ESRRG: variants seen among roughly 807,000 people sequenced by gnomAD.
The protein encoded by ESRRG is estrogen-related receptor gamma.
In ESRRG, 13 loss-of-function variants were observed where a neutral mutation model predicts 44.0. The ratio of observed to expected loss-of-function variants is 0.30; its 90% CI spans 0.19 to 0.47. ESRRG has a LOEUF of 0.47. Among genes scored for constraint, ESRRG ranks in the 20% least tolerant of loss-of-function variants. ESRRG has a pLI of 1.00. For missense variants in ESRRG, 395 were observed against 580.6 expected, an observed-to-expected ratio of 0.68 and a Z score of 3.29; for synonymous variants, 215 against 214.6, an observed-to-expected ratio of 1.00 and a Z score of -0.02.
chr1:216,675,796 G>T (rs1406608790), intron 2 of ESRRG, among the ~76,000 whole-genome samples: 7 of 152,210 alleles, frequency 4.6e-5, no homozygotes, highest in Non-Finnish European at 8.8e-5. Context: ...TTTGAGAACT[G>T]TTGGCAAATA....
intron 1 of ESRRG, among the ~76,000 whole-genome samples, chr1:216,976,553 C>T (rs1401207148): frequency 6.6e-6 from 1 of 152,108 alleles, no homozygotes; most frequent in Admixed American, 6.6e-5. Flanking sequence ...ATTTACCTGG[C>T]AATATCTTTT....
chr1:216,629,737 G>T (rs1367124006), intron 3 of ESRRG, among the ~76,000 whole-genome samples: 2 of 152,162 alleles, frequency 1.3e-5, no homozygotes, highest in African/African-American at 4.8e-5. Flanking sequence ...CTTAAGAACA[G>T]AAATACCCTT....
chr1:216,658,892 A>C (rs1393251242), intron 2 of ESRRG, among the ~76,000 whole-genome samples: 1 of 150,216 alleles, frequency 6.7e-6, no homozygotes, highest in African/African-American at 2.5e-5. Flanking sequence ...AGAGAAGAGA[A>C]GAGAAGAGAA....
chr1:216,519,070 G>T (rs929896138), intron 6 of ESRRG, 82 bp downstream of exon 6: 22 of 1,274,964 alleles, frequency 1.7e-5, no homozygotes, highest in Middle Eastern at 2.7e-4. Context: ...ACCAGGTCTA[G>T]CAAATCCCTA....
At chr1:216,666,354 T>C (rs2073923866) in intron 2 of ESRRG, among the ~76,000 whole-genome samples, 1 of 152,262 alleles carries the variant, frequency 6.6e-6, no homozygotes, top group Non-Finnish European at 1.5e-5. Flanking sequence ...TTTTATTGTA[T>C]AACTATTTGA....
At chr1:217,125,107 A>G (rs995532633) in intron 1 of ESRRG, among the ~76,000 whole-genome samples, 3 of 152,088 alleles carry the variant, frequency 2.0e-5, no homozygotes, top group Non-Finnish European at 2.9e-5. Flanking sequence ...CCCATTCCCT[A>G]TCCTAGATCC....
At chr1:216,784,227 T>TTTCTCA (rs1417438311) in intron 2 of ESRRG, among the ~76,000 whole-genome samples, 1 of 152,090 alleles carries the variant, frequency 6.6e-6, no homozygotes, top group Non-Finnish European at 1.5e-5. Flanking sequence ...TTAACATCTT[T>TTTCTCA]TTCTCATTTT....
chr1:216,552,087 C>T (rs1001578562), intron 5 of ESRRG, among the ~76,000 whole-genome samples: 10 of 152,028 alleles, frequency 6.6e-5, no homozygotes, highest in Non-Finnish European at 8.8e-5. Flanking sequence ...ATAACATAGG[C>T]CTATTGTTTA....
At chr1:216,780,307 G>T (rs1025680680) in intron 2 of ESRRG, among the ~76,000 whole-genome samples, 1 of 151,916 alleles carries the variant, frequency 6.6e-6, no homozygotes, top group Non-Finnish European at 1.5e-5. Flanking sequence ...TTTCAAAATT[G>T]AAAATGCTCC....
intron 1 of ESRRG, among the ~76,000 whole-genome samples, chr1:216,679,788 C>G (rs2076740224): frequency 1.3e-5 from 2 of 151,786 alleles, no homozygotes; most frequent in African/African-American, 2.4e-5. Flanking sequence ...CATGGACTTG[C>G]AAAATTTGCA....
intron 1 of ESRRG, among the ~76,000 whole-genome samples, chr1:216,949,119 C>T (rs2066544654): frequency 6.6e-6 from 1 of 152,154 alleles, no homozygotes; most frequent in Admixed American, 6.5e-5. Context: ...ATTATGTTTC[C>T]TGTTTTAACT....
At chr1:216,804,804 A>G (rs1237077689) in intron 2 of ESRRG, 3 of 152,276 alleles carry the variant, frequency 2.0e-5, no homozygotes, top group East Asian at 3.9e-4. Flanking sequence ...AGATACCTTC[A>G]TATTACAGAA....
intron 1 of ESRRG, among the ~76,000 whole-genome samples, chr1:217,077,107 G>C (rs1027946082): frequency 6.6e-6 from 1 of 152,076 alleles, no homozygotes; most frequent in Non-Finnish European, 1.5e-5. Context: ...TGCTCTCCTG[G>C]CTCATTTGTA....
At chr1:217,126,412 G>T (rs553334378) in intron 1 of ESRRG, among the ~76,000 whole-genome samples, 3 of 152,186 alleles carry the variant, frequency 2.0e-5, no homozygotes, top group South Asian at 2.1e-4. Flanking sequence ...TTTTCTGCTG[G>T]TTATTTAGAC....
upstream of ESRRG, among the ~76,000 whole-genome samples, chr1:216,723,855 A>T (rs2086930094): frequency 6.6e-6 from 1 of 152,094 alleles, no homozygotes; most frequent in Non-Finnish European, 1.5e-5. Flanking sequence ...AGGAGAACTC[A>T]CGCAGACTCT....
At chr1:216,776,828 G>A (rs1486937387) in intron 2 of ESRRG, among the ~76,000 whole-genome samples, 4 of 152,112 alleles carry the variant, frequency 2.6e-5, no homozygotes, top group Non-Finnish European at 5.9e-5. Flanking sequence ...CCAGTGAAGG[G>A]TAGCACTGAG....
intron 1 of ESRRG, among the ~76,000 whole-genome samples, chr1:216,958,014 C>T (rs2068290036): frequency 9.7e-6 from 1 of 102,836 alleles, no homozygotes; most frequent in African/African-American, 2.9e-5. Flanking sequence ...CAGAAGGTCA[C>T]ATGAATGGAA....
At chr1:216,514,488 C>T (rs1442409507) in intron 6 of ESRRG, among the ~76,000 whole-genome samples, 1 of 152,026 alleles carries the variant, frequency 6.6e-6, no homozygotes, top group Non-Finnish European at 1.5e-5. Context: ...TTGTCACTTT[C>T]TTGGGTAGTT....
chr1:217,061,580 C>T (rs542838167), intron 1 of ESRRG, among the ~76,000 whole-genome samples: 3 of 152,174 alleles, frequency 2.0e-5, no homozygotes, highest in East Asian at 1.9e-4. Context: ...AAGGTCAGTC[C>T]TCTTCCCCCA....
Sources: gnomAD v4.1 joint callset for allele counts (sites outside exome capture counted in the v4.1 genomes callset) on GRCh38, gnomAD v4.1.1 for gene constraint, MANE v1.5 for transcripts, NCBI Gene and HGNC (gene_info 2026-07-23, HGNC 2026-07-21) for gene names.